Variants in ATP1B3 observed in about 807,000 individuals in gnomAD.
ATP1B3 encodes ATPase Na+/K+ transporting subunit beta 3.
In ATP1B3, 10 loss-of-function variants were observed where a neutral mutation model predicts 30.2. The observed-to-expected ratio is 0.33, with a 90% confidence interval of 0.20 to 0.56. The LOEUF (loss-of-function observed/expected upper bound fraction) is 0.56, where lower values mean the gene tolerates loss of function less well. ATP1B3 is among the 20% of genes least tolerant of loss of function. The probability of loss-of-function intolerance (pLI) is 0.90; values close to 1 mark genes in which losing one functional copy is unlikely to be tolerated. For missense variants in ATP1B3, 238 were observed against 336.7 expected (o/e 0.71, Z 2.29); for synonymous variants, 113 against 117.0 (o/e 0.97, Z 0.22).
intron 1 of ATP1B3, among the ~76,000 whole-genome samples, chr3:141,888,641 C>T (rs1933880106): frequency 6.6e-6 from 1 of 152,030 alleles, no homozygotes; most frequent in Admixed American, 6.6e-5. Flanking sequence ...CCACCCAAAT[C>T]TCATCATGAA....
chr3:141,889,756 T>TACATATACACAC (rs1933903557), intron 1 of ATP1B3, among the ~76,000 whole-genome samples: 1 of 84,042 alleles, frequency 1.2e-5, no homozygotes, highest in African/African-American at 5.5e-5. Context: ...AAAAAATATA[T>TACATATACACAC]ACACACACAC....
chr3:141,897,548 A>G (rs1235591982), intron 1 of ATP1B3, among the ~76,000 whole-genome samples: 1 of 152,070 alleles, frequency 6.6e-6, no homozygotes, highest in Non-Finnish European at 1.5e-5. Context: ...ATACTGGTCT[A>G]TTTCTTTTAC....
In ATP1B3 at chr3:141,887,426, TC is replaced by T. The variant is rs139062467; in HGVS notation, c.109+10519del. Among the ~76,000 whole-genome samples the T allele has an allele frequency of 4.7e-3, 715 of 152,314 alleles. 9 individuals carry two copies. Among genetic ancestry groups the T allele is most frequent in the African/African-American group, 0.017 (689 of 41,566 alleles). On this transcript the variant is annotated intron_variant, in intron 1 of 6. Coordinates refer to ENST00000286371, the MANE Select transcript of ATP1B3 (RefSeq NM_001679.4). ...AAGTCCAACATCATCCTCAGCTTCT[TC>T]CCTGGGTAACCCCCGTTAAGTGTGT... is the stretch of plus-strand genomic sequence containing the variant.
chr3:141,901,236 A>G (rs1464075392), intron 1 of ATP1B3, among the ~76,000 whole-genome samples: 1 of 152,222 alleles, frequency 6.6e-6, no homozygotes, highest in African/African-American at 2.4e-5. Context: ...CACATTGAAT[A>G]GGTTCCATGA....
rs1406508279 is a variant in ATP1B3, at chr3:141,913,644, C to G, written c.347-8C>G. 2 of 1,605,396 alleles carry G rather than the reference C, an allele frequency of 1.2e-6. No homozygotes were observed. Among genetic ancestry groups the G allele is most frequent in the East Asian group, 4.5e-5 (2 of 44,710 alleles). ...CTGATCTAGCACACATATATGTTTCCTTTTTAGCATATACTTTAGAAGAAC... is the reference window on the plus strand; with the variant it reads ...CTGATCTAGCACACATATATGTTTCGTTTTTAGCATATACTTTAGAAGAAC... On this transcript the variant is annotated splice_region_variant and splice_polypyrimidine_tract_variant and intron_variant, in intron 3 of 6. Transcript: ENST00000286371.
At chr3:141,896,521 T>A (rs1010595868) in intron 1 of ATP1B3, among the ~76,000 whole-genome samples, 3 of 152,226 alleles carry the variant, frequency 2.0e-5, no homozygotes, top group African/African-American at 7.2e-5. Flanking sequence ...CGAGACCCTG[T>A]CTCTAAAATA....
chr3:141,906,260 A>G (rs1396892110), intron 2 of ATP1B3, among the ~76,000 whole-genome samples: 1 of 152,004 alleles, frequency 6.6e-6, no homozygotes, highest in African/African-American at 2.4e-5. Context: ...GCTCACTGCA[A>G]CCTCTGTCTC....
In ATP1B3 at chr3:141,920,137, G is replaced by T. The variant is rs142629785; in HGVS notation, c.583-1840G>T. On this transcript the variant is annotated intron_variant, in intron 5 of 6. Coordinates refer to ENST00000286371, the MANE Select transcript of ATP1B3 (RefSeq NM_001679.4). ...TTAGGCACACACAGAGAGCAGTTGA[G>T]CGTCTGCCACACCTGATGGTCTTGA... is the stretch of plus-strand genomic sequence containing the variant. 1.1e-3 allele frequency among the ~76,000 whole-genome samples: 169 copies of T among 152,222 alleles called. 2 individuals are homozygous for T. The highest frequency in any genetic ancestry group is 4.0e-3 in the African/African-American group (166 of 41,512).
At chr3:141,889,752 T>A (rs9879270) in intron 1 of ATP1B3, among the ~76,000 whole-genome samples, 2,377 of 45,090 alleles carry the variant, frequency 0.053, 151 homozygotes, top group East Asian at 0.14. Context: ...AAAAAAAAAA[T>A]ATATACACAC....
At chr3:141,897,790 A>G (rs1363257627) in intron 1 of ATP1B3, among the ~76,000 whole-genome samples, 2 of 152,110 alleles carry the variant, frequency 1.3e-5, no homozygotes, top group African/African-American at 4.8e-5. Context: ...GCTCACTGCA[A>G]CCTCTGCCTC....
At chr3:141,886,985 C>T (rs1428478285) in intron 1 of ATP1B3, among the ~76,000 whole-genome samples, 1 of 151,892 alleles carries the variant, frequency 6.6e-6, no homozygotes, top group Non-Finnish European at 1.5e-5. Context: ...CCTGGTTGAC[C>T]GAGTGAGACC....
chr3:141,884,154 A>T (rs1027245023), intron 1 of ATP1B3, among the ~76,000 whole-genome samples: 4 of 151,676 alleles, frequency 2.6e-5, no homozygotes, highest in South Asian at 2.1e-4. Flanking sequence ...ATTTCGGAAA[A>T]TTTTTTTTAA....
At position 141,876,805 on chromosome 3, in the gene ATP1B3, A is replaced by G; in HGVS notation, c.4A>G (p.Thr2Ala). 6.3e-7 allele frequency: 1 copy of G among 1,588,302 alleles called. No individual in the cohort carries two copies. The highest frequency in any genetic ancestry group is 8.6e-7 in the Non-Finnish European group (1 of 1,166,734). M[T>A]KNEKKSLNQS... ...TCTCGCCGTCCGCGCGCACACCATGACGAAGAACGAGAAGAAGTCCCTCAA... is the reference window on the plus strand; with the variant it reads ...TCTCGCCGTCCGCGCGCACACCATGGCGAAGAACGAGAAGAAGTCCCTCAA... The change falls in exon 1 of 7, where the codon ACG becomes GCG. Residue 2 changes from threonine to alanine, a missense_variant. Thr to Ala is a moderately conservative substitution (Grantham distance 58). This residue lies in a region of ATP1B3 where 130 missense variants were observed against 148.8 expected (regional missense o/e 0.87). Coordinates refer to ENST00000286371, the MANE Select transcript of ATP1B3 (RefSeq NM_001679.4).
At chr3:141,916,947 G>A (rs573856729) in intron 5 of ATP1B3, among the ~76,000 whole-genome samples, 2 of 151,670 alleles carry the variant, frequency 1.3e-5, no homozygotes, top group East Asian at 3.9e-4. Flanking sequence ...TGCAAGCTCC[G>A]CCTCCCGGGT....
At chr3:141,900,097 T>G (rs1205378055) in intron 1 of ATP1B3, among the ~76,000 whole-genome samples, 3 of 152,030 alleles carry the variant, frequency 2.0e-5, no homozygotes, top group Non-Finnish European at 4.4e-5. Context: ...CTAAAGACCC[T>G]GGAATTTGAG....
intron 1 of ATP1B3, among the ~76,000 whole-genome samples, chr3:141,888,916 A>T (rs562548183): frequency 2.0e-5 from 3 of 152,224 alleles, no homozygotes; most frequent in Admixed American, 1.3e-4. Context: ...TCTTTCCTTT[A>T]TAAATTATCC....
At chr3:141,913,626 A>G in intron 3 of ATP1B3, 26 bp from the exon 4 acceptor site, 6 of 1,583,970 alleles carry the variant, frequency 3.8e-6, no homozygotes, top group Non-Finnish European at 5.1e-6. Flanking sequence ...TGGCTGATCT[A>G]GCACACATAT....
intron 1 of ATP1B3, among the ~76,000 whole-genome samples, chr3:141,885,923 A>ACACACC (rs1553743564): frequency 2.3e-4 from 33 of 140,986 alleles, no homozygotes; most frequent in Non-Finnish European, 4.5e-4. Flanking sequence ...ACACACACAC[A>ACACACC]CCCCTGTAGT....
At chr3:141,895,881 A>G (rs1358096188) in intron 1 of ATP1B3, among the ~76,000 whole-genome samples, 1 of 152,200 alleles carries the variant, frequency 6.6e-6, no homozygotes, top group Non-Finnish European at 1.5e-5. Flanking sequence ...GGGTCATTAC[A>G]TGGTACGGTC....
Sources: gnomAD v4.1 joint callset for allele counts (sites outside exome capture counted in the v4.1 genomes callset) on GRCh38, gnomAD v4.1.1 for gene constraint, gnomAD v4.1.1 regional missense constraint, MANE v1.5 for transcripts, NCBI Gene and HGNC (gene_info 2026-07-23, HGNC 2026-07-21) for gene names.